Variants in RPH3A observed in about 807,000 individuals in gnomAD.
The protein encoded by RPH3A is rabphilin-3A.
A neutral mutation model predicts 102.2 loss-of-function variants in RPH3A; 48 were observed. That is an observed-to-expected ratio of 0.47 (90% CI 0.37 to 0.60). RPH3A has a LOEUF of 0.60. RPH3A is among the 20% of genes least tolerant of loss of function. RPH3A has a pLI of 0.00. For missense variants in RPH3A, 781 were observed against 910.1 expected, an observed-to-expected ratio of 0.86 and a Z score of 1.83; for synonymous variants, 310 against 324.3, an observed-to-expected ratio of 0.96 and a Z score of 0.47.
chr12:112,648,612 G>A (rs1333935334), intron 1 of RPH3A, among the ~76,000 whole-genome samples: 1 of 92,972 alleles, frequency 1.1e-5, no homozygotes, highest in Non-Finnish European at 2.1e-5. Context: ...AGGTGTTGTG[G>A]CACATGTCTG....
At chr12:112,773,883 C>T (rs2040945147) in intron 1 of RPH3A, among the ~76,000 whole-genome samples, 1 of 151,940 alleles carries the variant, frequency 6.6e-6, no homozygotes, top group Non-Finnish European at 1.5e-5. Context: ...GAGTTCGAGA[C>T]CAGCCTGGCC....
chr12:112,595,729 G>C (rs539101375), intron 1 of RPH3A, among the ~76,000 whole-genome samples: 1 of 152,264 alleles, frequency 6.6e-6, no homozygotes, highest in South Asian at 2.1e-4. Context: ...CATTATGTGA[G>C]TTAATGATTA....
intron 1 of RPH3A, among the ~76,000 whole-genome samples, chr12:112,686,282 A>G (rs2040262453): frequency 1.3e-5 from 2 of 152,060 alleles, no homozygotes; most frequent in Admixed American, 6.5e-5. Context: ...CCCCTTCTCT[A>G]TCACATGTGT....
chr12:112,721,199 C>A (rs888091973), intron 1 of RPH3A, among the ~76,000 whole-genome samples: 10 of 152,276 alleles, frequency 6.6e-5, no homozygotes, highest in Admixed American at 2.6e-4. Flanking sequence ...GTAGGATAAG[C>A]TCTTCCAGGG....
chr12:112,644,965 T>C (rs1274066120), intron 1 of RPH3A, among the ~76,000 whole-genome samples: 11 of 152,168 alleles, frequency 7.2e-5, no homozygotes, highest in Admixed American at 7.2e-4. Context: ...TTTGAGTGCC[T>C]GGATGCAGCT....
rs191151057 is a variant in RPH3A, at chr12:112,798,741, C to A, written c.-19+6478C>A. Among the ~76,000 whole-genome samples the A allele has an allele frequency of 2.6e-5, 4 of 152,088 alleles. No individual in the cohort carries two copies. In the East Asian group the frequency reaches 7.7e-4, roughly 29 times the overall value. ...TAAGTCTCTGTCTTTATCTCTCCCC[C>A]TCTCTCTCCTTTTTCCCTGCCCCTG... On this transcript the variant is annotated intron_variant, in intron 2 of 21. Transcript: ENST00000389385.
chr12:112,782,509 C>T (rs570423512), intron 1 of RPH3A, among the ~76,000 whole-genome samples: 10 of 152,242 alleles, frequency 6.6e-5, no homozygotes, highest in South Asian at 2.1e-4. Flanking sequence ...ATCCCTTTTC[C>T]GTCTTTCTGT....
At chr12:112,645,698 A>C (rs2039924197) in intron 1 of RPH3A, among the ~76,000 whole-genome samples, 1 of 152,072 alleles carries the variant, frequency 6.6e-6, no homozygotes, top group South Asian at 2.1e-4. Context: ...ATTTCATAGG[A>C]TGTCTCTTAA....
At chr12:112,844,992 C>T (rs1318035197) in intron 4 of RPH3A, among the ~76,000 whole-genome samples, 2 of 152,202 alleles carry the variant, frequency 1.3e-5, no homozygotes, top group African/African-American at 2.4e-5. Context: ...GTGGGCCTCT[C>T]CATGGGGCTG....
rs143809160 is a variant in RPH3A at position 112,674,856 on chromosome 12, GA to G, written c.-140+99544del. Among the ~76,000 whole-genome samples the G allele has an allele frequency of 7.8e-3, 1,183 of 152,218 alleles. 22 individuals are homozygous for G. The highest frequency in any genetic ancestry group is 0.027 in the African/African-American group (1,108 of 41,538). On this transcript the variant is annotated intron_variant, in intron 1 of 21. Transcript: ENST00000543106. ...GTTATAAGCAGGGGTTTATTTGGGG[GA>G]AAAAAATCCACATTCTCTCTCAGGG...
At chr12:112,739,346 C>T (rs1483333773) in intron 1 of RPH3A, among the ~76,000 whole-genome samples, 1 of 152,192 alleles carries the variant, frequency 6.6e-6, no homozygotes, top group Non-Finnish European at 1.5e-5. Flanking sequence ...TAATTCTATC[C>T]TCCATTTTCC....
intron 1 of RPH3A, among the ~76,000 whole-genome samples, chr12:112,741,929 A>G (rs768451123): frequency 3.9e-5 from 6 of 152,100 alleles, no homozygotes; most frequent in Non-Finnish European, 8.8e-5. Flanking sequence ...TCCAACTTGG[A>G]TGTGATTTTG....
At chr12:112,739,661 G>A (rs1042738211) in intron 1 of RPH3A, among the ~76,000 whole-genome samples, 10 of 152,176 alleles carry the variant, frequency 6.6e-5, no homozygotes, top group South Asian at 2.1e-4. Context: ...CTTACCAGCC[G>A]TCCTGGTCTT....
intron 1 of RPH3A, among the ~76,000 whole-genome samples, chr12:112,779,507 T>C (rs1032130416): frequency 8.5e-5 from 13 of 152,216 alleles, no homozygotes; most frequent in African/African-American, 2.7e-4. Flanking sequence ...TAATAACTCA[T>C]ATTCATACAG....
chr12:112,708,486 A>G (rs1431529575), intron 1 of RPH3A, among the ~76,000 whole-genome samples: 2 of 152,170 alleles, frequency 1.3e-5, no homozygotes, highest in Non-Finnish European at 2.9e-5. Flanking sequence ...TCAAGCAGCA[A>G]GTGTTCGTGG....
chr12:112,808,801 G>A (rs372326445), intron 2 of RPH3A, among the ~76,000 whole-genome samples: 8 of 152,126 alleles, frequency 5.3e-5, no homozygotes, highest in African/African-American at 1.4e-4. Flanking sequence ...TCTGAGGAGC[G>A]GGTATGAATT....
intron 1 of RPH3A, among the ~76,000 whole-genome samples, chr12:112,711,879 C>T (rs1247350493): frequency 6.6e-6 from 1 of 152,160 alleles, no homozygotes; most frequent in African/African-American, 2.4e-5. Flanking sequence ...GTTGCCCAGG[C>T]TGGAGTGCAA....
chr12:112,677,425 CCTTCCTTCCTTCCTTCCTTCCT>C (rs2040186843), intron 1 of RPH3A, among the ~76,000 whole-genome samples: 2 of 85,394 alleles, frequency 2.3e-5, no homozygotes, highest in Non-Finnish European at 4.6e-5. Context: ...CTCCTTCCTT[CCTTCCTTCCTTCCTTCCTTCCT>C]TCCTTCCTTC....
At chr12:112,837,071 T>G (rs2042063335) in intron 4 of RPH3A, among the ~76,000 whole-genome samples, 1 of 152,184 alleles carries the variant, frequency 6.6e-6, no homozygotes, top group Admixed American at 6.5e-5. Context: ...GGATGACGGG[T>G]CCAATAAATG....
Sources: gnomAD v4.1 joint callset for allele counts (sites outside exome capture counted in the v4.1 genomes callset) on GRCh38, gnomAD v4.1.1 for gene constraint, MANE v1.5 for transcripts, NCBI Gene and HGNC (gene_info 2026-07-23, HGNC 2026-07-21) for gene names.